The following BMPR2 variants were observed in gnomAD, a reference collection of about 807,000 sequenced individuals.
BMPR2 encodes the protein bone morphogenetic protein receptor type-2.
Under a neutral mutation model 100.8 loss-of-function variants are expected in BMPR2, and 29 were observed. The ratio of observed to expected loss-of-function variants is 0.29; its 90% CI spans 0.21 to 0.39. The LOEUF (loss-of-function observed/expected upper bound fraction) is 0.39, where lower values mean the gene tolerates loss of function less well. Ranked by LOEUF, BMPR2 falls within the 10% of genes least tolerant of loss-of-function variation. BMPR2 has a pLI of 1.00. For missense variants in BMPR2, 1,011 were observed against 1,274.5 expected (o/e 0.79, Z 3.15); for synonymous variants, 382 against 442.3 (o/e 0.86, Z 1.71).
At chr2:202,465,597 G>A (rs1055596246) in intron 2 of BMPR2, among the ~76,000 whole-genome samples, 1 of 152,092 alleles carries the variant, frequency 6.6e-6, no homozygotes, top group African/African-American at 2.4e-5. Context: ...GGTGGCTCAC[G>A]CCTGTAATCC....
Position 202,532,508 on chromosome 2 carries a change from T to C in BMPR2, c.1129-77T>C. 1.3e-6 allele frequency: 2 copies of C among 1,521,298 alleles called. No homozygotes were observed. The highest frequency in any genetic ancestry group is 4.5e-5 in the East Asian group (2 of 44,040). 94.2% of individuals were successfully genotyped at this position (1,521,298 alleles called of 1,614,324 possible). On this transcript the variant is annotated intron_variant, in intron 8 of 12. Transcript: ENST00000374580. This position sits in a 1 kb window ranked among gnomAD's most constrained non-coding sequence, Gnocchi z 4.1. ...AACATTGACATGACTAAGATTTATA[T>C]ATAACTTCTGGTCTAATGTCTGTTC... is the stretch of plus-strand genomic sequence containing the variant.
chr2:202,535,089 C>G (rs1473024588), intron 9 of BMPR2, among the ~76,000 whole-genome samples: 3 of 141,668 alleles, frequency 2.1e-5, no homozygotes, highest in Non-Finnish European at 4.7e-5. Flanking sequence ...GGGGGCTGAC[C>G]CCCCCACCTC....
intron 6 of BMPR2, 134 bp downstream of exon 6, chr2:202,519,186 ACTCCCGTCTC>A: frequency 1.1e-6 from 1 of 883,396 alleles, no homozygotes; most frequent in Non-Finnish European, 1.8e-6. Context: ...ACATGGCAAA[ACTCCCGTCTC>A]TACTAAAAAT....
intron 1 of BMPR2, 141 bp from the exon 2 acceptor site, chr2:202,464,667 TA>T: frequency 1.3e-6 from 1 of 793,452 alleles, no homozygotes; most frequent in Non-Finnish European, 1.9e-6. Context: ...TCATTGAATG[TA>T]AAATTAGAAA....
chr2:202,524,559 GCAGAGAGCCCAA>G (rs1687874321), intron 7 of BMPR2, among the ~76,000 whole-genome samples: 1 of 152,122 alleles, frequency 6.6e-6, no homozygotes, highest in Non-Finnish European at 1.5e-5. Flanking sequence ...GCTGAGACGG[GCAGAGAGCCCAA>G]GAGTTCAAGA....
intron 1 of BMPR2, among the ~76,000 whole-genome samples, chr2:202,388,836 T>C (rs1690488511): frequency 6.6e-6 from 1 of 152,080 alleles, no homozygotes. Flanking sequence ...TACTGTGTTC[T>C]ACTCTAAGCA....
intron 1 of BMPR2, among the ~76,000 whole-genome samples, chr2:202,425,034 C>G (rs766902210): frequency 6.6e-6 from 1 of 151,982 alleles, no homozygotes; most frequent in Non-Finnish European, 1.5e-5. Context: ...TCTCGGCTCA[C>G]TGCAACCTCC....
Position 202,564,602 on chromosome 2 carries a change from T to C in BMPR2, c.*4656T>C, listed in dbSNP as rs1688727267. 1 of 152,250 alleles carries C rather than the reference T, an allele frequency of 6.6e-6. No homozygotes were observed. The highest frequency in any genetic ancestry group is 1.5e-5 in the Non-Finnish European group (1 of 68,042). 9.4% of individuals were successfully genotyped at this position (152,250 alleles called of 1,614,324 possible). A position where few individuals can be genotyped will look rare whatever the true frequency, so the allele number is the denominator to read the frequency against. On this transcript the variant is annotated 3_prime_UTR_variant, in exon 13 of 13. Transcript: ENST00000374580. ...CATGATTCCCTCCTAAATATATTCC[T>C]TGATTAAGTAAATCTGGCAAATCAC...
At chr2:202,415,504 T>G (rs148343193) in intron 1 of BMPR2, among the ~76,000 whole-genome samples, 1 of 152,136 alleles carries the variant, frequency 6.6e-6, no homozygotes, top group Non-Finnish European at 1.5e-5. Context: ...TAAACGTAAC[T>G]GGAGAGAAAT....
At chr2:202,537,892 G>T (rs1246675318) in intron 9 of BMPR2, among the ~76,000 whole-genome samples, 6 of 152,044 alleles carry the variant, frequency 3.9e-5, no homozygotes, top group Non-Finnish European at 7.4e-5. Context: ...GCTGAGAGGG[G>T]TGGGGGTGGA....
chr2:202,450,691 C>CAAAAAA (rs761806972), intron 1 of BMPR2, among the ~76,000 whole-genome samples: 3 of 41,214 alleles, frequency 7.3e-5, no homozygotes, highest in Non-Finnish European at 1.1e-4. Context: ...AACTCCATCT[C>CAAAAAA]AAAAAAAAAA....
chr2:202,430,549 G>C (rs928623492), intron 1 of BMPR2, among the ~76,000 whole-genome samples: 1 of 152,148 alleles, frequency 6.6e-6, no homozygotes, highest in Non-Finnish European at 1.5e-5. Context: ...TAGGTCTTCT[G>C]GACTGCTAAC....
intron 1 of BMPR2, among the ~76,000 whole-genome samples, chr2:202,437,043 G>C (rs1691627652): frequency 6.7e-6 from 1 of 150,170 alleles, no homozygotes. Context: ...AGTCTCGCTT[G>C]GTCCGAGGCT....
At chr2:202,417,728 T>G (rs888664490) in intron 1 of BMPR2, among the ~76,000 whole-genome samples, 2 of 151,856 alleles carry the variant, frequency 1.3e-5, no homozygotes, top group African/African-American at 2.4e-5. Context: ...TTTTTTTTTT[T>G]TCTTTTTTGA....
intron 7 of BMPR2, among the ~76,000 whole-genome samples, chr2:202,528,535 A>G (rs546688650): frequency 6.6e-6 from 1 of 152,356 alleles, no homozygotes; most frequent in East Asian, 1.9e-4. Flanking sequence ...AAAAGATCAT[A>G]AGTTAGAAAT....
intron 1 of BMPR2, among the ~76,000 whole-genome samples, chr2:202,427,285 G>C (rs1388043129): frequency 6.6e-6 from 1 of 150,760 alleles, no homozygotes; most frequent in Admixed American, 6.6e-5. Context: ...GCTTAGGCCC[G>C]GGAGATTGAG....
chr2:202,426,441 C>T (rs1040073465), intron 1 of BMPR2, among the ~76,000 whole-genome samples: 1 of 151,424 alleles, frequency 6.6e-6, no homozygotes. Context: ...ATTAGGCAGG[C>T]GTGGTGGCGG....
rs1159900783 is a variant in BMPR2, at chr2:202,503,643, G to A, written c.419-10076G>A. Among the ~76,000 whole-genome samples the A allele has an allele frequency of 6.6e-6, 1 of 152,202 alleles. No homozygotes were observed. The highest frequency in any genetic ancestry group is 1.5e-5 in the Non-Finnish European group (1 of 68,034). ...TCGGGACCTGCAGCCCGCCATGCCT[G>A]AGCCTCCCACCCCCTCCATGGGCCC... On this transcript the variant is annotated intron_variant, in intron 3 of 12. Transcript: ENST00000374580. The surrounding 1 kb of genome is among the most constrained non-coding windows in gnomAD (Gnocchi z 4.0).
At chr2:202,473,282 A>C (rs1170720218) in intron 3 of BMPR2, among the ~76,000 whole-genome samples, 2 of 152,000 alleles carry the variant, frequency 1.3e-5, no homozygotes, top group Non-Finnish European at 2.9e-5. Flanking sequence ...AAAATACAAA[A>C]ATTAGCTGGG....
Sources: allele counts gnomAD v4.1 joint callset (sites outside exome capture counted in the v4.1 genomes callset), GRCh38; gene constraint gnomAD v4.1.1; non-coding constraint Gnocchi (gnomAD v3.1); transcripts MANE v1.5; gene names NCBI Gene and HGNC (gene_info 2026-07-23, HGNC 2026-07-21).